DCC: variants seen among roughly 807,000 people sequenced by gnomAD.
DCC encodes the protein netrin receptor DCC.
DCC carries 58 observed loss-of-function variants against 172.5 expected under a neutral mutation model. The observed-to-expected ratio is 0.34, with a 90% CI of 0.27 to 0.42. DCC has a LOEUF of 0.42. DCC is among the 10% of genes least tolerant of loss of function. DCC has a pLI of 1.00. For missense variants in DCC, 1,740 were observed against 1,791.0 expected (o/e 0.97, Z 0.51); for synonymous variants, 709 against 644.5 (o/e 1.10, Z -1.52).
At chr18:52,671,412 T>G (rs560688386) in intron 1 of DCC, among the ~76,000 whole-genome samples, 3 of 152,172 alleles carry the variant, frequency 2.0e-5, no homozygotes, top group Non-Finnish European at 4.4e-5. Context: ...CAAGTGACAC[T>G]TTTTGATCTC....
chr18:52,787,611 T>A (rs1041108414), intron 2 of DCC, among the ~76,000 whole-genome samples: 1 of 152,092 alleles, frequency 6.6e-6, no homozygotes, highest in Non-Finnish European at 1.5e-5. Context: ...CAACTAAACA[T>A]GTCAAATAAT....
At chr18:53,097,399 A>T (rs2043102576) in intron 7 of DCC, among the ~76,000 whole-genome samples, 1 of 152,196 alleles carries the variant, frequency 6.6e-6, no homozygotes, top group African/African-American at 2.4e-5. Flanking sequence ...TTAAAATATC[A>T]TAAAGGCATT....
intron 12 of DCC, among the ~76,000 whole-genome samples, chr18:53,242,479 C>T (rs1171136933): frequency 6.6e-6 from 1 of 152,100 alleles, no homozygotes; most frequent in African/African-American, 2.4e-5. Context: ...GGTAAATATA[C>T]AAAATGACCT....
At chr18:52,886,463 TC>T (rs1005601834) in intron 2 of DCC, among the ~76,000 whole-genome samples, 1 of 152,068 alleles carries the variant, frequency 6.6e-6, no homozygotes, top group African/African-American at 2.4e-5. Context: ...CAATGTAAAG[TC>T]CCCCAGTCGC....
chr18:53,300,961 C>CTTTCTTTCTTTCTTT (rs1568039988), intron 12 of DCC, among the ~76,000 whole-genome samples: 1 of 128,032 alleles, frequency 7.8e-6, no homozygotes, highest in Non-Finnish European at 1.6e-5. Flanking sequence ...GTTCTGGATT[C>CTTTCTTTCTTTCTTT]ATTCTTTCTT....
chr18:52,476,656 C>T (rs186522225), intron 1 of DCC, among the ~76,000 whole-genome samples: 41 of 152,094 alleles, frequency 2.7e-4, no homozygotes, highest in Admixed American at 4.6e-4. Flanking sequence ...CATTTTAGTC[C>T]GGGGTCTGGT....
chr18:52,482,103 C>T (rs1020346385), intron 1 of DCC, among the ~76,000 whole-genome samples: 1 of 152,038 alleles, frequency 6.6e-6, no homozygotes, highest in East Asian at 1.9e-4. Context: ...CTCACCCACC[C>T]ATATGCAACG....
At chr18:53,456,760 A>G (rs766373158) in intron 23 of DCC, among the ~76,000 whole-genome samples, 8 of 152,236 alleles carry the variant, frequency 5.3e-5, no homozygotes, top group Non-Finnish European at 4.4e-5. Context: ...ACCTGAATAC[A>G]CATTTCGAAG....
intron 5 of DCC, among the ~76,000 whole-genome samples, chr18:53,010,338 T>A (rs1023222443): frequency 6.6e-6 from 1 of 151,536 alleles, no homozygotes; most frequent in Admixed American, 6.6e-5. Context: ...TAATGCATTG[T>A]TTTTTTTCTT....
At chr18:52,755,158 T>G (rs1224619433) in intron 2 of DCC, among the ~76,000 whole-genome samples, 1 of 152,186 alleles carries the variant, frequency 6.6e-6, no homozygotes, top group Non-Finnish European at 1.5e-5. Flanking sequence ...ACTAGAGAAT[T>G]TCTGGCCTCA....
intron 17 of DCC, among the ~76,000 whole-genome samples, chr18:53,396,712 A>G (rs575741392): frequency 5.3e-4 from 81 of 152,354 alleles, no homozygotes; most frequent in African/African-American, 1.9e-3. Flanking sequence ...TTTGAGATAC[A>G]TGATGAGCAG....
intron 1 of DCC, among the ~76,000 whole-genome samples, chr18:52,420,003 C>G (rs1276497765): frequency 6.6e-6 from 1 of 152,102 alleles, no homozygotes; most frequent in Non-Finnish European, 1.5e-5. Flanking sequence ...AATGTCCCCT[C>G]CTTGGAAGAG....
intron 25 of DCC, among the ~76,000 whole-genome samples, chr18:53,485,982 G>A (rs1196197060): frequency 6.6e-6 from 1 of 151,912 alleles, no homozygotes; most frequent in Admixed American, 6.6e-5. Context: ...GATCATTCAG[G>A]TAGCTGACTT....
intron 25 of DCC, among the ~76,000 whole-genome samples, chr18:53,486,106 A>G (rs930204840): frequency 6.6e-6 from 1 of 152,108 alleles, no homozygotes; most frequent in African/African-American, 2.4e-5. Flanking sequence ...TTGAATAGCT[A>G]TTGAATAATG....
At chr18:52,792,532 G>A (rs187340260) in intron 2 of DCC, among the ~76,000 whole-genome samples, 29 of 152,190 alleles carry the variant, frequency 1.9e-4, no homozygotes, top group Admixed American at 1.8e-3. Flanking sequence ...CCCATACAAT[G>A]GCTACGTCTT....
intron 12 of DCC, among the ~76,000 whole-genome samples, chr18:53,240,047 AAAAC>A (rs1243159556): frequency 1.0e-4 from 15 of 149,390 alleles, no homozygotes; most frequent in African/African-American, 2.9e-4. Context: ...AAAAAAAAAA[AAAAC>A]AACAAAACAC....
chr18:52,734,480 T>C (rs1279860178), intron 1 of DCC, among the ~76,000 whole-genome samples: 1 of 152,150 alleles, frequency 6.6e-6, no homozygotes, highest in Non-Finnish European at 1.5e-5. Flanking sequence ...TAAAAGCTAC[T>C]TTTAAAACCT....
chr18:53,391,196 G>T (rs1908523029), intron 16 of DCC, among the ~76,000 whole-genome samples: 1 of 152,126 alleles, frequency 6.6e-6, no homozygotes, highest in African/African-American at 2.4e-5. Context: ...AGTTAGAGAA[G>T]GAGGAGAAAA....
chr18:53,037,033 T>C (rs987961241), intron 5 of DCC, among the ~76,000 whole-genome samples: 1 of 151,954 alleles, frequency 6.6e-6, no homozygotes, highest in African/African-American at 2.4e-5. Context: ...TAGAATTATT[T>C]TCATCAGTTT....
Sources: gnomAD v4.1 joint callset for allele counts (sites outside exome capture counted in the v4.1 genomes callset) on GRCh38, gnomAD v4.1.1 for gene constraint, MANE v1.5 for transcripts, NCBI Gene and HGNC (gene_info 2026-07-23, HGNC 2026-07-21) for gene names.